PAM: variants seen among roughly 807,000 people sequenced by gnomAD.
The protein encoded by PAM is peptidylglycine alpha-amidating monooxygenase, also known as peptidyl-glycine alpha-amidating monooxygenase.
Under a neutral mutation model 122.1 loss-of-function variants are expected in PAM, and 72 were observed. The ratio of observed to expected loss-of-function variants is 0.59; its 90% CI spans 0.49 to 0.72. PAM has a LOEUF of 0.72. PAM is among the 30% of genes least tolerant of loss of function. The pLI, the probability that PAM is intolerant of heterozygous loss-of-function variation, is 0.00. For missense variants in PAM, 1,106 were observed against 1,183.7 expected, an observed-to-expected ratio of 0.93 and a Z score of 0.96; for synonymous variants, 389 against 404.4, an observed-to-expected ratio of 0.96 and a Z score of 0.46.
At chr5:103,025,428 G>C (rs1784686245) in intron 24 of PAM, 94 bp downstream of exon 24, 3 of 1,056,604 alleles carry the variant, frequency 2.8e-6, no homozygotes, top group Non-Finnish European at 4.4e-6. Flanking sequence ...TTTTTTCACT[G>C]TATTTGTTTT....
intron 1 of PAM, among the ~76,000 whole-genome samples, chr5:102,863,060 T>C (rs1784613933): frequency 6.9e-6 from 1 of 145,098 alleles, no homozygotes; most frequent in African/African-American, 2.9e-5. Flanking sequence ...CAAATTAGTT[T>C]TATGGTCTTC....
chr5:103,004,461 G>C (rs958349203), intron 17 of PAM, among the ~76,000 whole-genome samples: 9 of 152,168 alleles, frequency 5.9e-5, no homozygotes, highest in African/African-American at 1.9e-4. Context: ...ACTACACTAA[G>C]ATTAGAAGCT....
chr5:102,918,432 G>T (rs1262924797), intron 5 of PAM, among the ~76,000 whole-genome samples: 1 of 152,024 alleles, frequency 6.6e-6, no homozygotes, highest in Non-Finnish European at 1.5e-5. Context: ...TTTTGAAGTT[G>T]TTAGAGTCAG....
intron 1 of PAM, among the ~76,000 whole-genome samples, chr5:102,800,133 T>C (rs1764313690): frequency 1.3e-5 from 2 of 152,220 alleles, no homozygotes; most frequent in South Asian, 4.1e-4. Context: ...TTCCTTATGT[T>C]CCTTAAACAT....
chr5:102,783,636 A>G (rs1759647830), intron 1 of PAM, among the ~76,000 whole-genome samples: 1 of 152,226 alleles, frequency 6.6e-6, no homozygotes, highest in African/African-American at 2.4e-5. Flanking sequence ...TGAAGACCAA[A>G]GATCTAGAAA....
chr5:102,773,788 G>C (rs1017550270), intron 1 of PAM, among the ~76,000 whole-genome samples: 2 of 151,908 alleles, frequency 1.3e-5, no homozygotes, highest in Non-Finnish European at 2.9e-5. Flanking sequence ...AGGTAAACTC[G>C]TGTCACAGAG....
chr5:102,818,406 GA>G lies in PAM; in HGVS notation c.-373-47406del, dbSNP rs796579031. On this transcript the variant is annotated intron_variant, in intron 1 of 25. Transcript: ENST00000438793. The stretch of plus-strand genomic sequence containing the variant: ...TCTAGTCTTATAAAAATTAACAGTT[GA>G]AAAAAAAAAAGGAAAATGTAGCATA... 1.5e-3 allele frequency among the ~76,000 whole-genome samples: 205 copies of G among 140,380 alleles called. 2 individuals carry two copies. The highest frequency in any genetic ancestry group is 0.013 in the East Asian group (64 of 4,862). 92.1% of individuals were successfully genotyped at this position (140,380 alleles called of 152,430 possible).
At chr5:102,927,771 T>C (rs928401365) in intron 7 of PAM, among the ~76,000 whole-genome samples, 9 of 149,190 alleles carry the variant, frequency 6.0e-5, no homozygotes, top group South Asian at 2.1e-4. Context: ...CTAATAAATA[T>C]ATATAAATTA....
Position 103,028,907 on chromosome 5 carries a change from A to T in PAM, c.2764A>T (p.Asn922Tyr), listed in dbSNP as rs1487971572. 1.2e-6 allele frequency: 2 copies of T among 1,611,012 alleles called. No homozygotes were observed. Among genetic ancestry groups the T allele is most frequent in the African/African-American group, 1.3e-5 (1 of 74,714 alleles). ...RFRGKGSGGLNLGNFFASRKG... is the reference protein window; with the variant it reads ...RFRGKGSGGLYLGNFFASRKG... ...TTCAGGAAAGGGAAGTGGAGGCTTA[A>T]ACCTTGGTAATTTCTTTGCAAGCCG... Residue 922 changes from asparagine to tyrosine, a missense_variant, in exon 26 of 26, where the codon AAC becomes TAC. Asn to Tyr is a moderately radical substitution (Grantham distance 143, BLOSUM62 -2). Transcript: ENST00000438793.
chr5:102,902,009 G>A (rs1798089547), intron 4 of PAM, among the ~76,000 whole-genome samples: 1 of 151,604 alleles, frequency 6.6e-6, no homozygotes, highest in African/African-American at 2.4e-5. Flanking sequence ...AAGTGACAAA[G>A]CACCATCTGT....
At chr5:102,905,637 T>A (rs17154821) in intron 4 of PAM, among the ~76,000 whole-genome samples, 40,619 of 151,452 alleles carry the variant, frequency 0.27, 5,840 homozygotes, top group East Asian at 0.43. Flanking sequence ...CAGGGTACAT[T>A]GCTCGTATAT....
chr5:102,809,352 CAAA>C (rs11302898), intron 1 of PAM, among the ~76,000 whole-genome samples: 8 of 126,224 alleles, frequency 6.3e-5, no homozygotes, highest in Non-Finnish European at 5.1e-5. Flanking sequence ...CTGTCTCTAC[CAAA>C]AAAAAAAAAA....
intron 15 of PAM, among the ~76,000 whole-genome samples, chr5:102,982,707 CA>C (rs1345078674): frequency 2.6e-5 from 4 of 152,162 alleles, no homozygotes; most frequent in African/African-American, 9.7e-5. Context: ...CACTATAGTT[CA>C]TCTATAAAGA....
chr5:102,964,137 C>G (rs1763330454), intron 14 of PAM, among the ~76,000 whole-genome samples: 1 of 151,782 alleles, frequency 6.6e-6, no homozygotes, highest in Non-Finnish European at 1.5e-5. Flanking sequence ...AGTTAGTGAT[C>G]TTTAAAGAAA....
chr5:102,968,852 A>G (rs1837256), intron 14 of PAM, among the ~76,000 whole-genome samples: 43,617 of 152,038 alleles, frequency 0.29, 6,546 homozygotes, highest in East Asian at 0.43. Flanking sequence ...ATGCCCATCA[A>G]TGCTGCACTG....
At chr5:102,983,731 A>G (rs939647737) in intron 15 of PAM, among the ~76,000 whole-genome samples, 5 of 152,190 alleles carry the variant, frequency 3.3e-5, no homozygotes, top group African/African-American at 1.2e-4. Context: ...TCCGAGACAC[A>G]TTATAGTGGA....
intron 12 of PAM, among the ~76,000 whole-genome samples, chr5:102,954,402 A>C (rs1423125845): frequency 6.6e-6 from 1 of 152,046 alleles, no homozygotes; most frequent in East Asian, 1.9e-4. Flanking sequence ...ACATATGATT[A>C]AGTGCTTACC....
In PAM at chr5:102,961,215, A is replaced by T; in HGVS notation, c.1148A>T (p.Glu383Val). 6.4e-7 allele frequency: 1 copy of T among 1,566,124 alleles called. No individual in the cohort carries two copies. Among genetic ancestry groups the T allele is most frequent in the Non-Finnish European group, 8.8e-7 (1 of 1,137,008 alleles). ...CAGCAGCCAAAACGAGAAGAAGAAG[A>T]AGTGTTAGACCAGGGTATGTATGCT... is the stretch of plus-strand genomic sequence containing the variant. ...LLQQPKREEE[E>V]VLDQGDFYSL... is the part of the protein sequence containing the mutation. The change falls in exon 14 of 26, where the codon GAA becomes GTA. Residue 383 changes from glutamate to valine, a missense_variant. Physicochemically the swap from Glu to Val is moderately radical, Grantham distance 121. Transcript: ENST00000438793.
chr5:102,834,422 A>G, intron 1 of PAM, among the ~76,000 whole-genome samples: 1 of 152,350 alleles, frequency 6.6e-6, no homozygotes, highest in South Asian at 2.1e-4. Context: ...TCAACAAAAC[A>G]TATACAAATC....
Sources: gnomAD v4.1 joint callset for allele counts (sites outside exome capture counted in the v4.1 genomes callset) on GRCh38, gnomAD v4.1.1 for gene constraint, MANE v1.5 for transcripts, NCBI Gene and HGNC (gene_info 2026-07-23, HGNC 2026-07-21) for gene names.